The following ZNF804A variants were observed in gnomAD, a reference collection of about 807,000 sequenced individuals.
The protein encoded by ZNF804A is zinc finger protein 804A.
Under a neutral mutation model 16.5 loss-of-function variants are expected in ZNF804A, and 2 were observed. The observed-to-expected ratio is 0.12, with a 90% CI of 0.05 to 0.38. The LOEUF (loss-of-function observed/expected upper bound fraction) is 0.38, where lower values mean the gene tolerates loss of function less well. Among genes scored for constraint, ZNF804A ranks in the 10% least tolerant of loss-of-function variants. The pLI is 0.99. For missense variants in ZNF804A, 1,473 were observed against 1,390.7 expected, an observed-to-expected ratio of 1.06 and a Z score of -0.94; for synonymous variants, 534 against 489.6, an observed-to-expected ratio of 1.09 and a Z score of -1.20.
At chr2:184,861,199 C>G (rs1695795733) in intron 1 of ZNF804A, among the ~76,000 whole-genome samples, 2 of 152,144 alleles carry the variant, frequency 1.3e-5, no homozygotes, top group Admixed American at 1.3e-4. Flanking sequence ...TGTTCACATT[C>G]CTCTCCTTCC....
At chr2:184,838,675 T>C (rs973559759) in intron 1 of ZNF804A, among the ~76,000 whole-genome samples, 2 of 152,104 alleles carry the variant, frequency 1.3e-5, no homozygotes, top group African/African-American at 4.8e-5. Flanking sequence ...CTTGTGCTAA[T>C]GTGAATAAGA....
intron 2 of ZNF804A, among the ~76,000 whole-genome samples, chr2:184,867,933 A>G (rs1452513948): frequency 6.6e-6 from 1 of 152,096 alleles, no homozygotes; most frequent in African/African-American, 2.4e-5. Context: ...TGTGTGTTAT[A>G]AGAATATCTA....
intron 1 of ZNF804A, among the ~76,000 whole-genome samples, chr2:184,745,507 A>C (rs186642992): frequency 1.4e-4 from 21 of 151,802 alleles, no homozygotes; most frequent in Admixed American, 3.3e-4. Flanking sequence ...GAATGTAATT[A>C]TCACTATCCT....
chr2:184,793,043 C>T (rs1694574112), intron 1 of ZNF804A, among the ~76,000 whole-genome samples: 1 of 152,056 alleles, frequency 6.6e-6, no homozygotes, highest in Admixed American at 6.6e-5. Flanking sequence ...TCTGTTTCTG[C>T]ATTAATTTCT....
chr2:184,800,662 C>A (rs72903769), intron 1 of ZNF804A, among the ~76,000 whole-genome samples: 3 of 151,200 alleles, frequency 2.0e-5, no homozygotes, highest in African/African-American at 7.3e-5. Flanking sequence ...TTTTAGAGTT[C>A]GTAATCTAAA....
At chr2:184,872,030 T>TGAAAAAGCTC (rs1695983162) in intron 2 of ZNF804A, among the ~76,000 whole-genome samples, 3 of 152,168 alleles carry the variant, frequency 2.0e-5, no homozygotes, top group Admixed American at 2.0e-4. Flanking sequence ...TGAAAAAGTT[T>TGAAAAAGCTC]GAAAAAGCTC....
intron 2 of ZNF804A, among the ~76,000 whole-genome samples, chr2:184,878,639 T>C (rs1181860936): frequency 6.6e-6 from 1 of 152,066 alleles, no homozygotes; most frequent in East Asian, 1.9e-4. Flanking sequence ...ATTTAAAATA[T>C]GTTGGAATAC....
chr2:184,743,030 A>G (rs34481141), intron 1 of ZNF804A, among the ~76,000 whole-genome samples: 21,049 of 151,892 alleles, frequency 0.14, 1,581 homozygotes, highest in Middle Eastern at 0.23. Context: ...TCTGGTATAT[A>G]TATCTTTGCC....
intron 1 of ZNF804A, among the ~76,000 whole-genome samples, chr2:184,806,097 A>G (rs1019235128): frequency 4.6e-5 from 7 of 151,808 alleles, no homozygotes; most frequent in African/African-American, 1.4e-4. Context: ...TTATAGTCAG[A>G]AAAAAAATTA....
chr2:184,753,952 A>T (rs1190272434), intron 1 of ZNF804A, among the ~76,000 whole-genome samples: 1 of 151,928 alleles, frequency 6.6e-6, no homozygotes, highest in Non-Finnish European at 1.5e-5. Flanking sequence ...TAGTATAAAC[A>T]TGTTCCAAAT....
In ZNF804A at chr2:184,938,487, G is replaced by A. The variant is rs267599111; in HGVS notation, c.3091G>A (p.Glu1031Lys). 1 of 1,614,008 alleles carries A rather than the reference G, an allele frequency of 6.2e-7. No homozygotes were observed. Among genetic ancestry groups the A allele is most frequent in the Non-Finnish European group, 8.5e-7 (1 of 1,179,984 alleles). The change falls in exon 4 of 4, where the codon GAG (glutamate) becomes AAG (lysine). Residue 1031 changes from glutamate (E) to lysine (K), a missense_variant. By Grantham distance (56) the Glu-to-Lys change is moderately conservative. Coordinates refer to ENST00000302277, the MANE Select transcript of ZNF804A (RefSeq NM_194250.2). The stretch of plus-strand genomic sequence containing the variant: ...AATCCTGGCTCCATTAGCTTTACCA[G>A]AGCAAGCATTATTGATCCCACTAGA... ...EQILAPLALP[E>K]QALLIPLENH...
At chr2:184,869,053 T>C (rs1474909782) in intron 2 of ZNF804A, among the ~76,000 whole-genome samples, 8 of 151,992 alleles carry the variant, frequency 5.3e-5, no homozygotes, top group Admixed American at 5.2e-4. Flanking sequence ...TCAAAGGAAG[T>C]GCTCATTTGG....
In ZNF804A at chr2:184,854,685, A is replaced by G. The variant is rs116098496; in HGVS notation, c.112-11684A>G. 9.1e-3 allele frequency among the ~76,000 whole-genome samples: 1,384 copies of G among 152,186 alleles called. 23 individuals carry two copies. Among genetic ancestry groups the G allele is most frequent in the African/African-American group, 0.032 (1,324 of 41,568 alleles). ...ACCTCTTTATAAAACCTGAAGAAAG[A>G]GAAGGATAAACTGTTGAAGTGCTAT... On this transcript the variant is annotated intron_variant, in intron 1 of 3. Transcript: ENST00000302277.
chr2:184,796,554 T>C (rs138616298), intron 1 of ZNF804A, among the ~76,000 whole-genome samples: 149 of 151,826 alleles, frequency 9.8e-4, no homozygotes, highest in Middle Eastern at 3.4e-3. Flanking sequence ...TTTATTTCAG[T>C]AGTGTCAAAG....
At chr2:184,650,505 A>C (rs1691964279) in intron 1 of ZNF804A, among the ~76,000 whole-genome samples, 1 of 152,104 alleles carries the variant, frequency 6.6e-6, no homozygotes, top group Admixed American at 6.6e-5. Flanking sequence ...AAATAAGATA[A>C]AAAGTAGCTA....
chr2:184,747,836 G>A (rs183432871), intron 1 of ZNF804A, among the ~76,000 whole-genome samples: 2 of 151,054 alleles, frequency 1.3e-5, no homozygotes, highest in South Asian at 4.2e-4. Context: ...CACAGTGTCT[G>A]TTTTTCCTAT....
chr2:184,624,680 G>A (rs359886), intron 1 of ZNF804A, among the ~76,000 whole-genome samples: 85,486 of 151,940 alleles, frequency 0.56, 25,068 homozygotes, highest in African/African-American at 0.69. Context: ...CCCTCCTTCT[G>A]TGAGGGTCAA....
intron 1 of ZNF804A, among the ~76,000 whole-genome samples, chr2:184,768,359 T>TTTAATTATACTAAATTATACTAA (rs1694162033): frequency 6.6e-6 from 1 of 152,092 alleles, no homozygotes; most frequent in Non-Finnish European, 1.5e-5. Flanking sequence ...ACTGCAATGT[T>TTTAATTATACTAAATTATACTAA]TTAATTATAC....
chr2:184,721,092 A>T (rs536939773), intron 1 of ZNF804A, among the ~76,000 whole-genome samples: 1 of 152,266 alleles, frequency 6.6e-6, no homozygotes, highest in African/African-American at 2.4e-5. Flanking sequence ...ACAAATATCA[A>T]CTCAAGATGA....
Sources: gnomAD v4.1 joint callset for allele counts (sites outside exome capture counted in the v4.1 genomes callset) on GRCh38, gnomAD v4.1.1 for gene constraint, MANE v1.5 for transcripts, NCBI Gene and HGNC (gene_info 2026-07-23, HGNC 2026-07-21) for gene names.